ECE1: variants seen among roughly 807,000 people sequenced by gnomAD.
The protein encoded by ECE1 is endothelin-converting enzyme 1.
A neutral mutation model predicts 98.6 loss-of-function variants in ECE1; 35 were observed. That is an observed-to-expected ratio of 0.35 (90% CI 0.27 to 0.47). The LOEUF is 0.47. ECE1 is among the 20% of genes least tolerant of loss of function. The pLI is 1.00. For missense variants in ECE1, 814 were observed against 1,025.3 expected (o/e 0.79, Z 2.81); for synonymous variants, 394 against 407.1 (o/e 0.97, Z 0.39).
chr1:21,279,571 C>G (rs1219907091), intron 2 of ECE1: 23 of 1,441,722 alleles, frequency 1.6e-5, no homozygotes, highest in Non-Finnish European at 2.0e-5. Flanking sequence ...CCCCGACAGG[C>G]TTGTTTTTTT....
chr1:21,323,709 A>C (rs1639012995), intron 1 of ECE1, among the ~76,000 whole-genome samples: 1 of 152,170 alleles, frequency 6.6e-6, no homozygotes, highest in African/African-American at 2.4e-5. Context: ...TAGGAGACAG[A>C]ATAAATAAGA....
At chr1:21,221,021 T>A (rs748957961) in intron 18 of ECE1, among the ~76,000 whole-genome samples, 8 of 152,206 alleles carry the variant, frequency 5.3e-5, no homozygotes, top group Non-Finnish European at 1.0e-4. Context: ...TTCGATTCCA[T>A]CTGAACAAAG....
At chr1:21,306,528 C>T (rs1319344958) in intron 1 of ECE1, among the ~76,000 whole-genome samples, 1 of 151,836 alleles carries the variant, frequency 6.6e-6, no homozygotes, top group African/African-American at 2.4e-5. Context: ...GTAGGGACGG[C>T]GTTTCACCAT....
In ECE1 at chr1:21,279,245, GA is replaced by G. The variant is rs1558409268; in HGVS notation, c.225del (p.Leu76TrpfsTer25). 1 of 1,614,210 alleles carries G rather than the reference GA, an allele frequency of 6.2e-7. No homozygotes were observed. The highest frequency in any genetic ancestry group is 1.1e-5 in the South Asian group (1 of 91,082). ...VEKRLVVLVV[L>X]LAAGLVACLA... ...AAGCAGGCCACCAGTCCTGCCGCCA[GA>G]AGTACCACCAACACCACCAGCCGCT... On this transcript the variant is annotated frameshift_variant, in exon 3 of 19. Transcript: ENST00000374893. LOFTEE classifies it high-confidence loss of function.
intron 8 of ECE1, among the ~76,000 whole-genome samples, chr1:21,252,743 G>T (rs974495324): frequency 1.8e-4 from 28 of 152,360 alleles, no homozygotes; most frequent in African/African-American, 6.5e-4. Context: ...GTTACCTGGA[G>T]TATGGGAAGA....
intron 1 of ECE1, among the ~76,000 whole-genome samples, chr1:21,335,669 T>C (rs1204635098): frequency 1.3e-5 from 2 of 152,146 alleles, no homozygotes; most frequent in East Asian, 3.9e-4. Context: ...GTACCAAGAA[T>C]GAAGGGCCCA....
At chr1:21,253,501 G>A (rs568212672) in intron 8 of ECE1, among the ~76,000 whole-genome samples, 8 of 152,100 alleles carry the variant, frequency 5.3e-5, no homozygotes, top group African/African-American at 9.6e-5. Flanking sequence ...GGTGGCTCAC[G>A]CCTGTAATCC....
rs537627711 is a variant in ECE1, at chr1:21,333,662, G to A, written c.3+11714C>T. ...AGCCTGGCCAACATGGTGAAACCCC[G>A]TCTCTACTAAAAAATACAAAAGTTA... On this transcript the variant is annotated intron_variant, in intron 1 of 18. Coordinates refer to the ECE1 transcript ENST00000415912. 2.2e-3 allele frequency among the ~76,000 whole-genome samples: 337 copies of A among 152,150 alleles called. 1 individual carries two copies. Among genetic ancestry groups the A allele is most frequent in the African/African-American group, 7.3e-3 (303 of 41,514 alleles).
At chr1:21,228,874 T>C (rs1441249448) in intron 14 of ECE1, among the ~76,000 whole-genome samples, 2 of 137,360 alleles carry the variant, frequency 1.5e-5, no homozygotes, top group African/African-American at 5.5e-5. Context: ...CGGAGCTCAC[T>C]CTGTCACCCA....
intron 7 of ECE1, 132 bp downstream of exon 7, chr1:21,257,393 C>T: frequency 3.1e-6 from 3 of 979,530 alleles, no homozygotes; most frequent in African/African-American, 1.6e-5. Flanking sequence ...CCAGGGTCTG[C>T]CTGTTTCACC....
At chr1:21,280,507 A>AG (rs565732410) in intron 2 of ECE1, among the ~76,000 whole-genome samples, 95 of 152,270 alleles carry the variant, frequency 6.2e-4, no homozygotes, top group African/African-American at 2.2e-3. Flanking sequence ...CTAGATCCTA[A>AG]GGGGCACAGA....
intron 2 of ECE1, among the ~76,000 whole-genome samples, chr1:21,288,389 G>A (rs2098262896): frequency 6.6e-6 from 1 of 152,154 alleles, no homozygotes; most frequent in South Asian, 2.1e-4. Context: ...ATTTCACAGT[G>A]AGGCCATCAC....
Position 21,219,901 on chromosome 1 carries a change from GGTCTC to G in ECE1, c.*49_*53del. The G allele has an allele frequency of 6.2e-6, 10 of 1,606,316 alleles. No homozygotes were observed. Among genetic ancestry groups the G allele is most frequent in the Non-Finnish European group, 8.5e-6 (10 of 1,176,014 alleles). On this transcript the variant is annotated 3_prime_UTR_variant, in exon 19 of 19. Transcript: ENST00000374893. This position sits in a 1 kb window ranked among gnomAD's most constrained non-coding sequence, Gnocchi z 4.5. ...AGCAATGCCCTGGAGGCTGGATGGG[GGTCTC>G]GTCCTCAGCCCCTTCCCCTCCTCCG...
chr1:21,337,042 A>C (rs969619038), intron 1 of ECE1, among the ~76,000 whole-genome samples: 2 of 152,208 alleles, frequency 1.3e-5, no homozygotes, highest in African/African-American at 4.8e-5. Flanking sequence ...CATCTCAAAA[A>C]AACAACAACA....
At chr1:21,344,814 G>T (rs1569803611) in intron 1 of ECE1, 1 of 152,556 alleles carries the variant, frequency 6.6e-6, no homozygotes, top group African/African-American at 2.4e-5. Flanking sequence ...ACCTAGCTGC[G>T]TCGCCACCAC....
At chr1:21,255,322 A>G (rs2098218557) in intron 8 of ECE1, among the ~76,000 whole-genome samples, 1 of 152,160 alleles carries the variant, frequency 6.6e-6, no homozygotes, top group Non-Finnish European at 1.5e-5. Context: ...ATGCCAGCTG[A>G]TGCTCTGGAA....
At position 21,233,520 on chromosome 1, in the gene ECE1, G is replaced by T; in HGVS notation, c.1670+38C>A. ...GTCCCAAGGCTTGCCCACAGGTGGG[G>T]AGCTGGCACCTTGCCGGCAGGGCCT... On this transcript the variant is annotated intron_variant, in intron 14 of 18. Transcript: ENST00000374893. The surrounding 1 kb of genome is among the most constrained non-coding windows in gnomAD (Gnocchi z 4.0). 1 of 1,593,352 alleles carries T rather than the reference G, an allele frequency of 6.3e-7. No homozygotes were observed. Among genetic ancestry groups the T allele is most frequent in the South Asian group, 1.1e-5 (1 of 90,592 alleles).
In ECE1 at chr1:21,307,258, C is replaced by A. The variant is rs1162556593; in HGVS notation, c.4-17102G>T. Among the ~76,000 whole-genome samples, 2 of 152,172 alleles carry A rather than the reference C, an allele frequency of 1.3e-5. No homozygotes were observed. Among genetic ancestry groups the A allele is most frequent in the African/African-American group, 4.8e-5 (2 of 41,446 alleles). ...TTTAATTCACTTTTGCTCTTCACAG[C>A]GACTCTGGGGGGCTGGAGCTAGCAT... On this transcript the variant is annotated intron_variant, in intron 1 of 18. Transcript: ENST00000415912. The surrounding 1 kb of genome is among the most constrained non-coding windows in gnomAD (Gnocchi z 4.2).
Position 21,257,485 on chromosome 1 carries a change from C to T in ECE1, c.828+40G>A, listed in dbSNP as rs76859821. The T allele has an allele frequency of 3.3e-4, 537 of 1,610,044 alleles. 3 individuals are homozygous for T. The East Asian group carries it at 0.011, about 34-fold the overall frequency. ...GGTGTGGACACGGAGCAGGAAGGAC[C>T]GTGCTGGGAGGCAGGCTGGGAGGGG... On this transcript the variant is annotated intron_variant, in intron 7 of 18. Transcript: ENST00000374893.
Sources: gnomAD v4.1 joint callset for allele counts (sites outside exome capture counted in the v4.1 genomes callset) on GRCh38, gnomAD v4.1.1 for gene constraint, Gnocchi (gnomAD v3.1) non-coding constraint, MANE v1.5 for transcripts, NCBI Gene and HGNC (gene_info 2026-07-23, HGNC 2026-07-21) for gene names.